Variants in SLIT3 observed in about 807,000 individuals in gnomAD.
SLIT3 encodes slit homolog 3 protein.
A neutral mutation model predicts 184.0 loss-of-function variants in SLIT3; 68 were observed. The ratio of observed to expected loss-of-function variants is 0.37; its 90% confidence interval spans 0.30 to 0.45. The LOEUF (loss-of-function observed/expected upper bound fraction) is 0.45. SLIT3 is among the 20% of genes least tolerant of loss of function. The probability of loss-of-function intolerance (pLI) is 1.00; values close to 1 mark genes in which losing one functional copy is unlikely to be tolerated. For missense variants in SLIT3, 1,707 were observed against 2,026.0 expected (o/e 0.84, Z 3.02); for synonymous variants, 831 against 828.6 (o/e 1.00, Z -0.05).
intron 18 of SLIT3, 46 bp downstream of exon 18, chr5:168,752,909 G>C (rs1442284300): frequency 6.3e-7 from 1 of 1,593,194 alleles, no homozygotes; most frequent in South Asian, 1.1e-5. Context: ...GAGCGCTGCA[G>C]AGTGGGATCC....
At chr5:169,092,059 T>TA (rs1489353412) in intron 4 of SLIT3, among the ~76,000 whole-genome samples, 1 of 152,082 alleles carries the variant, frequency 6.6e-6, no homozygotes, top group South Asian at 2.1e-4. Flanking sequence ...CCATCTCTAC[T>TA]AAAAAATACA....
intron 9 of SLIT3, among the ~76,000 whole-genome samples, chr5:168,802,202 C>T (rs1354239062): frequency 6.6e-6 from 1 of 151,740 alleles, no homozygotes; most frequent in Non-Finnish European, 1.5e-5. Context: ...CAGATAACTC[C>T]TATTCATCCT....
At chr5:169,098,387 A>G (rs1017405906) in intron 4 of SLIT3, among the ~76,000 whole-genome samples, 3 of 152,190 alleles carry the variant, frequency 2.0e-5, no homozygotes, top group African/African-American at 7.2e-5. Flanking sequence ...TGAATCCGCT[A>G]TTAGTAGATG....
chr5:168,686,306 G>A (rs1202133226), intron 30 of SLIT3, among the ~76,000 whole-genome samples: 1 of 152,164 alleles, frequency 6.6e-6, no homozygotes, highest in Non-Finnish European at 1.5e-5. Flanking sequence ...AGAATTGCCT[G>A]GGGGTGATTT....
At chr5:169,023,146 C>A (rs530110895) in intron 4 of SLIT3, among the ~76,000 whole-genome samples, 2 of 152,034 alleles carry the variant, frequency 1.3e-5, no homozygotes, top group Non-Finnish European at 2.9e-5. Context: ...TTTTGGATGT[C>A]TTTTTTAGGA....
chr5:168,870,930 G>A (rs531754048), intron 5 of SLIT3, among the ~76,000 whole-genome samples: 1 of 152,326 alleles, frequency 6.6e-6, no homozygotes, highest in East Asian at 1.9e-4. Context: ...TTTGGTGACA[G>A]CCTGAGGGTG....
intron 20 of SLIT3, among the ~76,000 whole-genome samples, chr5:168,732,476 A>C (rs1253126495): frequency 6.6e-6 from 1 of 152,166 alleles, no homozygotes; most frequent in Admixed American, 6.5e-5. Context: ...AAAATCCTAA[A>C]ATTCATATTC....
intron 5 of SLIT3, among the ~76,000 whole-genome samples, chr5:168,859,189 A>C (rs1470405806): frequency 6.6e-6 from 1 of 152,164 alleles, no homozygotes; most frequent in African/African-American, 2.4e-5. Context: ...GACGGGGTCT[A>C]TCTTGGTCAT....
At chr5:169,274,609 G>A (rs1227483168) in intron 1 of SLIT3, among the ~76,000 whole-genome samples, 1 of 152,190 alleles carries the variant, frequency 6.6e-6, no homozygotes, top group Non-Finnish European at 1.5e-5. Flanking sequence ...ATGACTGATG[G>A]GAACTGGATT....
At chr5:168,883,055 A>T (rs567497717) in intron 5 of SLIT3, among the ~76,000 whole-genome samples, 2 of 152,322 alleles carry the variant, frequency 1.3e-5, no homozygotes, top group South Asian at 4.1e-4. Context: ...TCCAGTGCTC[A>T]TATCTGGGGA....
At chr5:169,099,041 C>A (rs187797241) in intron 4 of SLIT3, among the ~76,000 whole-genome samples, 39 of 152,086 alleles carry the variant, frequency 2.6e-4, no homozygotes, top group Admixed American at 9.8e-4. Context: ...ACATCTACCG[C>A]CTCTGCTTGA....
intron 10 of SLIT3, 86 bp from the exon 11 acceptor site, chr5:168,789,717 A>G: frequency 1.0e-6 from 1 of 957,912 alleles, no homozygotes; most frequent in East Asian, 2.5e-5. Context: ...CATTTCAGAC[A>G]TTCAAAATGG....
intron 4 of SLIT3, among the ~76,000 whole-genome samples, chr5:169,077,583 A>G (rs983547804): frequency 6.6e-6 from 1 of 152,132 alleles, no homozygotes; most frequent in South Asian, 2.1e-4. Context: ...TACATATAAA[A>G]TATCTGTTCA....
chr5:169,143,519 C>T (rs993979357), intron 4 of SLIT3, among the ~76,000 whole-genome samples: 5 of 152,216 alleles, frequency 3.3e-5, no homozygotes, highest in African/African-American at 1.2e-4. Context: ...TATGCATTGG[C>T]CGGGTGCAGT....
intron 5 of SLIT3, among the ~76,000 whole-genome samples, chr5:168,850,479 A>G (rs1018271469): frequency 2.0e-5 from 3 of 152,372 alleles, no homozygotes; most frequent in Admixed American, 6.5e-5. Context: ...ACAAATATAT[A>G]TAACTGGTAA....
At position 168,805,861 on chromosome 5, in the gene SLIT3, G is replaced by A. The variant is rs572422726; in HGVS notation, c.935+585C>T. On this transcript the variant is annotated intron_variant, in intron 9 of 35. Transcript: ENST00000519560. ...AGTACCTGCCCATGTGCTGAGGACTGTATGAAGGGCTCCACGTGTAGTATT... is the reference window on the plus strand; with the variant it reads ...AGTACCTGCCCATGTGCTGAGGACTATATGAAGGGCTCCACGTGTAGTATT... 2.0e-5 allele frequency among the ~76,000 whole-genome samples: 3 copies of A among 152,330 alleles called. No homozygotes were observed. The South Asian group carries it at 6.2e-4, about 32-fold the overall frequency.
At chr5:169,271,508 T>A (rs1581125364) in intron 1 of SLIT3, among the ~76,000 whole-genome samples, 1 of 152,188 alleles carries the variant, frequency 6.6e-6, no homozygotes, top group Non-Finnish European at 1.5e-5. Flanking sequence ...GGGGCCACGG[T>A]GCTGGTGCAC....
At chr5:169,193,260 ACTGGTCATG>A (rs1763618113) in intron 4 of SLIT3, among the ~76,000 whole-genome samples, 1 of 152,190 alleles carries the variant, frequency 6.6e-6, no homozygotes, top group Non-Finnish European at 1.5e-5. Flanking sequence ...ACTAGTCCTC[ACTGGTCATG>A]CAAGCCGCTG....
intron 16 of SLIT3, among the ~76,000 whole-genome samples, chr5:168,759,644 C>T (rs989662209): frequency 6.6e-6 from 1 of 152,180 alleles, no homozygotes; most frequent in Non-Finnish European, 1.5e-5. Flanking sequence ...CCTCGCTCGA[C>T]CCCAGCTGAG....
Sources: allele counts gnomAD v4.1 joint callset (sites outside exome capture counted in the v4.1 genomes callset), GRCh38; gene constraint gnomAD v4.1.1; transcripts MANE v1.5; gene names NCBI Gene and HGNC (gene_info 2026-07-23, HGNC 2026-07-21).